The following UBAP2L variants were observed in gnomAD, a reference collection of about 807,000 sequenced individuals.
UBAP2L encodes ubiquitin-associated protein 2-like.
UBAP2L carries 12 observed loss-of-function variants against 130.6 expected under a neutral mutation model. The observed-to-expected ratio is 0.09, with a 90% CI of 0.06 to 0.15. The LOEUF (loss-of-function observed/expected upper bound fraction) is 0.15, where lower values mean the gene tolerates loss of function less well. Ranked by LOEUF, UBAP2L falls within the 10% of genes least tolerant of loss-of-function variation. The probability of loss-of-function intolerance (pLI) is 1.00; values close to 1 mark genes in which losing one functional copy is unlikely to be tolerated. For missense variants in UBAP2L, 965 were observed against 1,332.5 expected (o/e 0.72, Z 4.29); for synonymous variants, 503 against 524.7 (o/e 0.96, Z 0.57).
chr1:154,271,076 T>C (rs1406699218), downstream of UBAP2L: 1 of 860,386 alleles, frequency 1.2e-6, no homozygotes, highest in East Asian at 2.7e-5. Flanking sequence ...TTTCACAACC[T>C]GGTGACTGGA....
rs1466367612 is a variant in UBAP2L at position 154,223,394 on chromosome 1, A to G, written c.-40-1690A>G. Among the ~76,000 whole-genome samples the G allele has an allele frequency of 2.6e-5, 4 of 152,218 alleles. No homozygotes were observed. The East Asian group carries it at 7.7e-4, about 29-fold the overall frequency. On this transcript the variant is annotated intron_variant, in intron 1 of 26. Transcript: ENST00000428931. ...TTACAGTAGTGGGTTGGAAATGACT[A>G]TGCCATATTAGAAACTTCATCTTAG...
At chr1:154,228,470 A>G (rs1270148838) in intron 3 of UBAP2L, 145 bp from the exon 4 acceptor site, 2 of 574,162 alleles carry the variant, frequency 3.5e-6, no homozygotes, top group African/African-American at 3.8e-5. Context: ...TATAGGCGTG[A>G]GCCACTGTGC....
At chr1:154,257,659 A>G in intron 20 of UBAP2L, 1 of 544,192 alleles carries the variant, frequency 1.8e-6, no homozygotes, top group Non-Finnish European at 3.3e-6. Flanking sequence ...AACAGCGTGC[A>G]GTTCAAACCT....
intron 1 of UBAP2L, among the ~76,000 whole-genome samples, chr1:154,223,871 A>C (rs1293986414): frequency 6.6e-6 from 1 of 152,178 alleles, no homozygotes; most frequent in Non-Finnish European, 1.5e-5. Context: ...ATCCAGTAAT[A>C]TCTCTGGGCA....
intron 12 of UBAP2L, 134 bp downstream of exon 12, chr1:154,249,571 T>C (rs1188631077): frequency 2.0e-6 from 2 of 978,934 alleles, no homozygotes; most frequent in Non-Finnish European, 3.0e-6. Context: ...TTCCCACATG[T>C]ATTTCCCCTA....
intron 24 of UBAP2L, among the ~76,000 whole-genome samples, chr1:154,262,888 T>C (rs1033782754): frequency 5.9e-5 from 9 of 152,096 alleles, no homozygotes; most frequent in Admixed American, 3.3e-4. Context: ...GACATTAGGT[T>C]GAAGTCTTAG....
intron 26 of UBAP2L, 91 bp downstream of exon 26, chr1:154,269,045 C>T (rs2149113761): frequency 7.0e-7 from 1 of 1,427,252 alleles, no homozygotes; most frequent in East Asian, 2.4e-5. Flanking sequence ...CCTTCCTCAC[C>T]ACCACCTTCA....
intron 8 of UBAP2L, among the ~76,000 whole-genome samples, chr1:154,238,453 T>C (rs777256464): frequency 4.6e-5 from 7 of 152,232 alleles, no homozygotes; most frequent in Non-Finnish European, 7.3e-5. Flanking sequence ...TTTTTATCTT[T>C]GGCAGGTAAG....
chr1:154,221,007 G>GGCGGCGGCGGCA (rs1467283655), intron 1 of UBAP2L, 32 bp downstream of exon 1: 1 of 198,750 alleles, frequency 5.0e-6, no homozygotes, highest in Non-Finnish European at 1.0e-5. Context: ...CGTTGGCGGC[G>GGCGGCGGCGGCA]GCGGCGGCGG....
At chr1:154,223,980 G>A (rs1230816442) in intron 1 of UBAP2L, among the ~76,000 whole-genome samples, 2 of 152,166 alleles carry the variant, frequency 1.3e-5, no homozygotes, top group Non-Finnish European at 2.9e-5. Context: ...TAAATGCAGA[G>A]TAACCTATTA....
chr1:154,236,384 A>T (rs1234020713), intron 6 of UBAP2L, among the ~76,000 whole-genome samples, 182 bp from the exon 7 acceptor site: 1 of 151,994 alleles, frequency 6.6e-6, no homozygotes, highest in African/African-American at 2.4e-5. Flanking sequence ...CTTTTTATAG[A>T]GATAGGGTTT....
Position 154,257,055 on chromosome 1 carries a change from T to G in UBAP2L, c.2158-8T>G, listed in dbSNP as rs767255683. 2.9e-5 allele frequency: 46 copies of G among 1,610,270 alleles called. No homozygotes were observed. Among genetic ancestry groups the G allele is most frequent in the Non-Finnish European group, 3.7e-5 (44 of 1,178,600 alleles). On this transcript the variant is annotated splice_region_variant and splice_polypyrimidine_tract_variant and intron_variant, in intron 18 of 26. Coordinates refer to ENST00000428931, the MANE Select transcript of UBAP2L (RefSeq NM_014847.4). ...TTCTTCTCTCTTCCACTGCTCCCCC[T>G]TTTGAAGCACACAAGTGTGGAGAGT...
chr1:154,234,812 T>C (rs754361898), intron 5 of UBAP2L, 53 bp downstream of exon 5: 125 of 1,551,024 alleles, frequency 8.1e-5, no homozygotes, highest in Non-Finnish European at 9.7e-5. Flanking sequence ...GTCTAGACTC[T>C]AGGGATGTGC....
At chr1:154,243,606 G>A (rs868101212) in intron 10 of UBAP2L, among the ~76,000 whole-genome samples, 3 of 152,052 alleles carry the variant, frequency 2.0e-5, no homozygotes, top group South Asian at 2.1e-4. Flanking sequence ...GATTACAGGC[G>A]TGTGCCACCA....
intron 4 of UBAP2L, among the ~76,000 whole-genome samples, 160 bp from the exon 5 acceptor site, chr1:154,234,431 A>G (rs141011076): frequency 6.6e-6 from 1 of 152,290 alleles, no homozygotes; most frequent in African/African-American, 2.4e-5. Context: ...AGTGATATGT[A>G]TAAAATATTT....
intron 10 of UBAP2L, among the ~76,000 whole-genome samples, chr1:154,244,805 T>A (rs773909117): frequency 8.5e-5 from 13 of 152,208 alleles, no homozygotes; most frequent in East Asian, 3.8e-4. Flanking sequence ...CTTATTGTTA[T>A]GAGTTTTATT....
chr1:154,265,100 G>A (rs1571970668), intron 24 of UBAP2L, among the ~76,000 whole-genome samples: 5 of 152,116 alleles, frequency 3.3e-5, no homozygotes, highest in Admixed American at 1.3e-4. Flanking sequence ...CTGTAGTTCC[G>A]TTATTTTTCC....
intron 12 of UBAP2L, 135 bp downstream of exon 12, chr1:154,249,572 A>G (rs1482678287): frequency 5.2e-6 from 5 of 966,980 alleles, no homozygotes; most frequent in Non-Finnish European, 7.6e-6. Context: ...TCCCACATGT[A>G]TTTCCCCTAA....
intron 16 of UBAP2L, 75 bp downstream of exon 16, chr1:154,254,965 C>T (rs1213636871): frequency 6.5e-7 from 1 of 1,528,722 alleles, no homozygotes; most frequent in Non-Finnish European, 8.8e-7. Context: ...CCATTAGTTC[C>T]CTTCACTGGA....
Sources: allele counts gnomAD v4.1 joint callset (sites outside exome capture counted in the v4.1 genomes callset), GRCh38; gene constraint gnomAD v4.1.1; transcripts MANE v1.5; gene names NCBI Gene and HGNC (gene_info 2026-07-23, HGNC 2026-07-21).